The following DCC variants were observed in gnomAD, a reference collection of about 807,000 sequenced individuals.
DCC encodes the protein netrin receptor DCC.
In DCC, 58 loss-of-function variants were observed where a neutral mutation model predicts 172.5. The ratio of observed to expected loss-of-function variants is 0.34; its 90% CI spans 0.27 to 0.42. The LOEUF is 0.42. DCC is among the 10% of genes least tolerant of loss of function. The probability of loss-of-function intolerance (pLI) is 1.00; values close to 1 mark genes in which losing one functional copy is unlikely to be tolerated. For synonymous variants in DCC, 709 were observed against 644.5 expected (o/e 1.10, Z -1.52); for missense variants, 1,740 against 1,791.0 (o/e 0.97, Z 0.51).
At position 53,499,278 on chromosome 18, in the gene DCC, TTTTC is replaced by T. The variant is rs754274418; in HGVS notation, c.3899-17_3899-14del. On this transcript the variant is annotated splice_polypyrimidine_tract_variant and intron_variant, in intron 26 of 28. Transcript: ENST00000442544. ...ACTTTGTCCAGGAATAATGAATGAC[TTTTC>T]TTGTCTCCACTGCAGCAGTGAGTGA... 143 of 1,613,332 alleles carry T rather than the reference TTTTC, an allele frequency of 8.9e-5. No individual in the cohort carries two copies. In the South Asian group the frequency reaches 1.5e-3, roughly 17 times the overall value.
chr18:53,377,795 G>A (rs1319050749), intron 15 of DCC, among the ~76,000 whole-genome samples: 2 of 152,140 alleles, frequency 1.3e-5, no homozygotes, highest in African/African-American at 4.8e-5. Flanking sequence ...TTGTCTTCAA[G>A]TTTGATTCTA....
intron 12 of DCC, among the ~76,000 whole-genome samples, chr18:53,283,429 T>C (rs1169686236): frequency 6.6e-6 from 1 of 152,202 alleles, no homozygotes; most frequent in Non-Finnish European, 1.5e-5. Flanking sequence ...TCTTTAATTA[T>C]AACATTAATA....
At chr18:52,508,187 G>A (rs2031303902) in intron 1 of DCC, among the ~76,000 whole-genome samples, 1 of 152,100 alleles carries the variant, frequency 6.6e-6, no homozygotes, top group Non-Finnish European at 1.5e-5. Flanking sequence ...GAAGAAAGAT[G>A]TCTGCTTTTC....
At chr18:52,574,063 T>C (rs572060865) in intron 1 of DCC, among the ~76,000 whole-genome samples, 83 of 152,320 alleles carry the variant, frequency 5.4e-4, no homozygotes, top group African/African-American at 1.8e-3. Context: ...TCATCTTTTG[T>C]AGTCTACAGC....
intron 21 of DCC, among the ~76,000 whole-genome samples, chr18:53,428,221 A>T (rs1215082135): frequency 2.3e-5 from 1 of 42,778 alleles, no homozygotes; most frequent in African/African-American, 6.6e-5. Flanking sequence ...AGTATATATA[A>T]TTATAATTAT....
chr18:53,024,310 A>G (rs1055757898), intron 5 of DCC, among the ~76,000 whole-genome samples: 1 of 152,174 alleles, frequency 6.6e-6, no homozygotes, highest in Non-Finnish European at 1.5e-5. Context: ...AATGGACCTG[A>G]TGTTCTTTTG....
At chr18:53,362,591 T>A (rs935885897) in intron 15 of DCC, among the ~76,000 whole-genome samples, 1 of 152,184 alleles carries the variant, frequency 6.6e-6, no homozygotes. Flanking sequence ...ATGAAGTTAT[T>A]TTTAAAGCAA....
intron 7 of DCC, among the ~76,000 whole-genome samples, chr18:53,149,788 G>A (rs1360153407): frequency 6.6e-6 from 1 of 152,158 alleles, no homozygotes; most frequent in East Asian, 1.9e-4. Flanking sequence ...TTGCTGAGAT[G>A]AAAATACTTC....
chr18:52,466,077 T>C (rs1466900138), intron 1 of DCC, among the ~76,000 whole-genome samples: 1 of 152,332 alleles, frequency 6.6e-6, no homozygotes, highest in East Asian at 1.9e-4. Context: ...TTTCTTACTA[T>C]TTGATATTCA....
intron 20 of DCC, among the ~76,000 whole-genome samples, chr18:53,414,908 A>G (rs987124656): frequency 3.7e-4 from 57 of 152,208 alleles, no homozygotes; most frequent in African/African-American, 6.5e-4. Flanking sequence ...ACTTATCAAG[A>G]TATCTTTTCA....
intron 1 of DCC, among the ~76,000 whole-genome samples, chr18:52,610,566 A>G (rs547523705): frequency 5.7e-4 from 86 of 151,990 alleles, no homozygotes; most frequent in African/African-American, 2.0e-3. Flanking sequence ...TCCATAGAAA[A>G]ATATACAGCA....
At chr18:53,072,858 A>G (rs1239639165) in intron 7 of DCC, among the ~76,000 whole-genome samples, 4 of 152,216 alleles carry the variant, frequency 2.6e-5, no homozygotes, top group African/African-American at 7.2e-5. Flanking sequence ...TCACAGCTCT[A>G]TCATATATTA....
intron 12 of DCC, among the ~76,000 whole-genome samples, chr18:53,228,626 G>A (rs17488531): frequency 0.35 from 53,076 of 151,906 alleles, 10,566 homozygotes; most frequent in Non-Finnish European, 0.46. Context: ...CTTTCCCCTT[G>A]TCTGTCATTT....
At chr18:52,786,462 T>TA (rs369854671) in intron 2 of DCC, among the ~76,000 whole-genome samples, 6,523 of 152,082 alleles carry the variant, frequency 0.043, 216 homozygotes, top group South Asian at 0.16. Flanking sequence ...TCATTTTTGG[T>TA]AAAAAAACAA....
chr18:52,700,334 C>T (rs1369366152), intron 1 of DCC, among the ~76,000 whole-genome samples: 1 of 148,486 alleles, frequency 6.7e-6, no homozygotes, highest in African/African-American at 2.5e-5. Context: ...ACGGAATGCA[C>T]ACCCATGCAC....
chr18:52,929,410 G>A (rs530772154), intron 5 of DCC, among the ~76,000 whole-genome samples: 1 of 152,144 alleles, frequency 6.6e-6, no homozygotes, highest in East Asian at 1.9e-4. Flanking sequence ...ATGTAAATAA[G>A]AACAATTTTA....
At chr18:53,227,952 A>G (rs1260028115) in intron 12 of DCC, among the ~76,000 whole-genome samples, 1 of 152,200 alleles carries the variant, frequency 6.6e-6, no homozygotes, top group Non-Finnish European at 1.5e-5. Flanking sequence ...ATGTCAAGAA[A>G]TGCCTTATAC....
rs148592900 is a variant in DCC at position 53,104,417 on chromosome 18, C to A, written c.1261+38251C>A. ...AAATGGGAGTTTCCCTGCACAAGCT[C>A]TCTCTCTTTGCCTACTGCCATCCAT... On this transcript the variant is annotated intron_variant, in intron 7 of 28. Transcript: ENST00000442544. 4.6e-5 allele frequency among the ~76,000 whole-genome samples: 7 copies of A among 152,116 alleles called. 1 individual carries two copies. Among genetic ancestry groups the A allele is most frequent in the African/African-American group, 1.4e-4 (6 of 41,534 alleles).
chr18:53,140,153 T>C (rs960079758), intron 7 of DCC, among the ~76,000 whole-genome samples: 3 of 152,200 alleles, frequency 2.0e-5, no homozygotes, highest in Non-Finnish European at 2.9e-5. Flanking sequence ...TAAAACATTT[T>C]ATGATTTTTT....
Sources: allele counts gnomAD v4.1 joint callset (sites outside exome capture counted in the v4.1 genomes callset), GRCh38; gene constraint gnomAD v4.1.1; transcripts MANE v1.5; gene names NCBI Gene and HGNC (gene_info 2026-07-23, HGNC 2026-07-21).